The following ASMTL variants were observed in gnomAD, a reference collection of about 807,000 sequenced individuals.
ASMTL encodes probable bifunctional dTTP/UTP pyrophosphatase/methyltransferase protein.
A neutral mutation model predicts 60.3 loss-of-function variants in ASMTL; 57 were observed. That is an observed-to-expected ratio of 0.95 (90% CI 0.76 to 1.18). The LOEUF is 1.18. ASMTL is among the 50% of genes most tolerant of loss of function. The probability of loss-of-function intolerance (pLI) is 0.00; values close to 1 mark genes in which losing one functional copy is unlikely to be tolerated. For synonymous variants in ASMTL, 419 were observed against 373.0 expected, an observed-to-expected ratio of 1.12 and a Z score of -1.42; for missense variants, 981 against 852.6, an observed-to-expected ratio of 1.15 and a Z score of -1.88.
chrX:1,436,314 C>G (rs1211308838), intron 3 of ASMTL, among the ~76,000 whole-genome samples: 1 of 152,124 alleles, frequency 6.6e-6, no homozygotes, highest in Non-Finnish European at 1.5e-5. Flanking sequence ...GCTGGGAATA[C>G]AGGTGCACAC....
chrX:1,424,279 T>C (rs2090553016), intron 8 of ASMTL, among the ~76,000 whole-genome samples: 1 of 131,328 alleles, frequency 7.6e-6, no homozygotes, highest in African/African-American at 2.9e-5. Context: ...CACTCATCCA[T>C]CCACCCATCC....
intron 1 of ASMTL, among the ~76,000 whole-genome samples, chrX:1,445,042 C>T (rs2091204379): frequency 6.6e-6 from 1 of 152,116 alleles, no homozygotes; most frequent in African/African-American, 2.4e-5. Flanking sequence ...AGTTTGGGAG[C>T]CCCTTTGCCA....
chrX:1,435,166 C>T (rs1368610155), intron 4 of ASMTL, 83 bp from the exon 5 acceptor site: 2 of 1,414,870 alleles, frequency 1.4e-6, no homozygotes, highest in South Asian at 1.2e-5. Flanking sequence ...CCAGGGGAGG[C>T]AGCGAGGCGT....
intron 1 of ASMTL, among the ~76,000 whole-genome samples, chrX:1,442,941 A>ACT (rs1304756338): frequency 2.0e-5 from 3 of 152,214 alleles, no homozygotes; most frequent in Non-Finnish European, 4.4e-5. Context: ...GGGTGCAGGG[A>ACT]ACTCCGCATC....
At position 1,412,749 on chromosome X, in the gene ASMTL, G is replaced by A; in HGVS notation, c.1628C>T (p.Ala543Val). The A allele has an allele frequency of 6.2e-7, 1 of 1,614,002 alleles. No individual in the cohort carries two copies. Among genetic ancestry groups the A allele is most frequent in the Non-Finnish European group, 8.5e-7 (1 of 1,179,866 alleles). ...DKVHKLLSRV[A>V]ESCKPGAGLL... ...GCTCTCACCTGGCTTGCAGCTCTCG[G>A]CGACCCTGCTGAGTAACTTGTGGAC... The change falls in exon 12 of 13, where the codon GCC (alanine) becomes GTC (valine). Residue 543 changes from alanine to valine, a missense_variant. Physicochemically the swap from Ala to Val is moderately conservative, Grantham distance 64 (BLOSUM62 0). Coordinates refer to ENST00000381317, the MANE Select transcript of ASMTL (RefSeq NM_004192.4).
intron 11 of ASMTL, among the ~76,000 whole-genome samples, chrX:1,414,908 G>C (rs1266586723): frequency 2.0e-5 from 3 of 151,678 alleles, no homozygotes; most frequent in Non-Finnish European, 4.4e-5. Context: ...GTCGGATGGT[G>C]CTGAGTTACA....
At chrX:1,439,642 T>A (rs1223774711) in intron 2 of ASMTL, among the ~76,000 whole-genome samples, 1 of 151,206 alleles carries the variant, frequency 6.6e-6, no homozygotes, top group Non-Finnish European at 1.5e-5. Flanking sequence ...AGGTCAGGAG[T>A]TCGAGACCAG....
intron 1 of ASMTL, among the ~76,000 whole-genome samples, chrX:1,449,787 C>A (rs868755229): frequency 1.4e-3 from 192 of 142,180 alleles, no homozygotes; most frequent in South Asian, 2.8e-3. Context: ...AACTATCCCC[C>A]CATCACCAGT....
At chrX:1,453,241 C>CGTG, upstream of ASMTL, among the ~76,000 whole-genome samples, 2 of 147,908 alleles carry the variant, frequency 1.4e-5, no homozygotes, top group African/African-American at 5.0e-5. Flanking sequence ...ACCGCTCCGC[C>CGTG]AGGCCACGCC....
In ASMTL at chrX:1,452,807, G is replaced by A; in HGVS notation, c.34C>T (p.His12Tyr). 1.9e-6 allele frequency: 3 copies of A among 1,596,294 alleles called. No homozygotes were observed. The highest frequency in any genetic ancestry group is 1.1e-5 in the South Asian group (1 of 89,708). ...GCGCTGGCCAGCACCACGCGCTTGT[G>A]CAGCAGCTTCCCAATCACCGGGCAC... is the stretch of plus-strand genomic sequence containing the variant. ...VLCPVIGKLL[H>Y]KRVVLASASP... Residue 12 changes from histidine (H) to tyrosine (Y), a missense_variant, in exon 1 of 13, where the codon CAC (histidine) becomes TAC (tyrosine). Transcript: ENST00000381317.
intron 8 of ASMTL, among the ~76,000 whole-genome samples, chrX:1,423,735 T>C (rs2090536494): frequency 7.4e-6 from 1 of 135,592 alleles, no homozygotes; most frequent in Non-Finnish European, 1.6e-5. Context: ...AATCCACTGA[T>C]ACATCTATCC....
chrX:1,437,585 T>G (rs1175199252), intron 3 of ASMTL, among the ~76,000 whole-genome samples: 8 of 152,012 alleles, frequency 5.3e-5, no homozygotes, highest in Admixed American at 1.3e-4. Flanking sequence ...CAGAATACCA[T>G]AGACTGGGTG....
At chrX:1,441,426 G>A (rs1307908114) in intron 2 of ASMTL, among the ~76,000 whole-genome samples, 6 of 151,962 alleles carry the variant, frequency 3.9e-5, no homozygotes, top group South Asian at 2.1e-4. Context: ...ACAGGCACCC[G>A]CCACCACGCC....
chrX:1,422,868 C>T (rs1418088453), intron 8 of ASMTL, among the ~76,000 whole-genome samples: 7 of 152,232 alleles, frequency 4.6e-5, no homozygotes, highest in Admixed American at 1.3e-4. Context: ...CTGCACAAAG[C>T]GTTGTCAAAA....
chrX:1,432,258 C>T lies in ASMTL; in HGVS notation c.509+11G>A. On this transcript the variant is annotated intron_variant, in intron 6 of 12. Transcript: ENST00000381317. ...CGTGTCCCCCGTCCCCCCACCGCCC[C>T]CGAGACTCACATGGGCTCCCCGCTG... 1 of 1,603,298 alleles carries T rather than the reference C, an allele frequency of 6.2e-7. No homozygotes were observed. Among genetic ancestry groups the T allele is most frequent in the Non-Finnish European group, 8.5e-7 (1 of 1,172,648 alleles).
intron 1 of ASMTL, among the ~76,000 whole-genome samples, chrX:1,449,962 C>T (rs1457634575): frequency 1.3e-5 from 2 of 150,150 alleles, no homozygotes; most frequent in Non-Finnish European, 3.0e-5. Context: ...GCCCCATCAT[C>T]ACCAGTAACT....
chrX:1,450,756 G>C (rs1569535194), intron 1 of ASMTL, among the ~76,000 whole-genome samples: 1 of 140,902 alleles, frequency 7.1e-6, no homozygotes, highest in Non-Finnish European at 1.5e-5. Context: ...CCCATCCCTA[G>C]GGTTCCCGGG....
chrX:1,405,450 T>G (rs2089784333), intron 12 of ASMTL, among the ~76,000 whole-genome samples: 1 of 150,812 alleles, frequency 6.6e-6, no homozygotes, highest in South Asian at 2.1e-4. Context: ...GGTGAATAGA[T>G]AGTAGATGAT....
intron 12 of ASMTL, 48 bp from the exon 13 acceptor site, chrX:1,403,537 TC>T: frequency 6.4e-7 from 1 of 1,565,664 alleles, no homozygotes; most frequent in Non-Finnish European, 8.8e-7. Context: ...CAGGCGGGGA[TC>T]CTTCAGCAGG....
Sources: allele counts gnomAD v4.1 joint callset (sites outside exome capture counted in the v4.1 genomes callset), GRCh38; gene constraint gnomAD v4.1.1; transcripts MANE v1.5; gene names NCBI Gene and HGNC (gene_info 2026-07-23, HGNC 2026-07-21).